The following CABIN1 variants were observed in gnomAD, a reference collection of about 807,000 sequenced individuals.
CABIN1 encodes calcineurin binding protein 1, also known as calcineurin-binding protein cabin-1.
Under a neutral mutation model 227.7 loss-of-function variants are expected in CABIN1, and 133 were observed. The observed-to-expected ratio is 0.58, with a 90% CI of 0.51 to 0.67. The LOEUF (loss-of-function observed/expected upper bound fraction) is 0.67. CABIN1 is among the 30% of genes least tolerant of loss of function. CABIN1 has a pLI of 0.00. For synonymous variants in CABIN1, 1,086 were observed against 1,155.1 expected, an observed-to-expected ratio of 0.94 and a Z score of 1.21; for missense variants, 2,408 against 2,852.5, an observed-to-expected ratio of 0.84 and a Z score of 3.55.
At chr22:24,063,933 C>T (rs2039389499) in intron 14 of CABIN1, 102 bp from the exon 15 acceptor site, 2 of 1,477,964 alleles carry the variant, frequency 1.4e-6, no homozygotes, top group East Asian at 4.5e-5. Context: ...AAAACCCACC[C>T]TCATGGCCTC....
Position 24,056,298 on chromosome 22 carries a change from C to A in CABIN1, c.1200C>A (p.Thr400=). 1 of 1,613,692 alleles carries A rather than the reference C, an allele frequency of 6.2e-7. No homozygotes were observed. The highest frequency in any genetic ancestry group is 8.5e-7 in the Non-Finnish European group (1 of 1,179,822). ...GGCGGTCTGCCCGTGTCCGAAACAC[C>A]AAGTGCAAAAAAGAAGAGAAAGTAG... ...AKRRSARVRN[T]KCKKEEKVDF... Residue 400 remains threonine, a synonymous_variant, in exon 10 of 37, where the codon ACC becomes ACA. Transcript: ENST00000263119.
At chr22:24,116,104 G>A (rs1180640310) in intron 27 of CABIN1, among the ~76,000 whole-genome samples, 2 of 152,172 alleles carry the variant, frequency 1.3e-5, no homozygotes, top group Non-Finnish European at 2.9e-5. Context: ...CTCTGGCCTT[G>A]ACCGAGGTGC....
intron 1 of CABIN1, among the ~76,000 whole-genome samples, chr22:24,026,737 G>A (rs2036118178): frequency 6.6e-6 from 1 of 152,088 alleles, no homozygotes; most frequent in Non-Finnish European, 1.5e-5. Flanking sequence ...TTGTTTCATT[G>A]ATTTATGTGT....
rs1438778999 is a variant in CABIN1, at chr22:24,050,902, A to G, written c.734A>G (p.Lys245Arg). The G allele has an allele frequency of 1.2e-6, 2 of 1,614,230 alleles. No individual in the cohort carries two copies. Among genetic ancestry groups the G allele is most frequent in the Admixed American group, 1.7e-5 (1 of 60,024 alleles). Residue 245 changes from lysine (K) to arginine (R), a missense_variant, in exon 8 of 37, where the codon AAA (lysine) becomes AGA (arginine). Physicochemically the swap from Lys to Arg is conservative, Grantham distance 26 (BLOSUM62 2). Coordinates refer to ENST00000263119, the MANE Select transcript of CABIN1 (RefSeq NM_012295.4). ...AIVDEALGLR[K>R]KRQALIVREK... The stretch of plus-strand genomic sequence containing the variant: ...GTAGATGAGGCCTTGGGGCTGCGAA[A>G]AAAGAGGCAAGCGCTGATTGTGCGG...
Position 24,146,762 on chromosome 22 carries a change from C to T in CABIN1, c.4746+12347C>T, listed in dbSNP as rs114182907. Among the ~76,000 whole-genome samples, 1,034 of 152,366 alleles carry T rather than the reference C, an allele frequency of 6.8e-3. 12 individuals are homozygous for T. Among genetic ancestry groups the T allele is most frequent in the African/African-American group, 0.023 (972 of 41,572 alleles). ...CTGGCTATCCGGAGACAGTTTTCATCTCCAGATGTGGATTCAAAATTCTGG... is the reference window on the plus strand; with the variant it reads ...CTGGCTATCCGGAGACAGTTTTCATTTCCAGATGTGGATTCAAAATTCTGG... On this transcript the variant is annotated intron_variant, in intron 29 of 36. Transcript: ENST00000263119.
In CABIN1 at chr22:24,168,529, C is replaced by T; in HGVS notation, c.5757+8C>T. 1.3e-6 allele frequency: 2 copies of T among 1,552,530 alleles called. No homozygotes were observed. The highest frequency in any genetic ancestry group is 1.7e-6 in the Non-Finnish European group (2 of 1,147,234). On this transcript the variant is annotated splice_region_variant and intron_variant, in intron 33 of 36. Coordinates refer to ENST00000263119, the MANE Select transcript of CABIN1 (RefSeq NM_012295.4). ...GCTGCCGCCCAGAGACAGGTAAGCC[C>T]AATTTAGCCTGTGCCAGCCTCATCT...
chr22:24,081,466 A>G (rs1195270519), intron 19 of CABIN1, among the ~76,000 whole-genome samples: 3 of 152,146 alleles, frequency 2.0e-5, no homozygotes, highest in Non-Finnish European at 4.4e-5. Context: ...ACCTCGAGTT[A>G]TGCCCCTTTT....
chr22:24,059,791 C>A (rs1439281787), intron 11 of CABIN1, 133 bp from the exon 12 acceptor site: 9 of 824,756 alleles, frequency 1.1e-5, no homozygotes, highest in Non-Finnish European at 1.8e-5. Flanking sequence ...CTCAGCACCA[C>A]AACGTGGTAT....
rs779172978 is a variant in CABIN1 at position 24,178,171 on chromosome 22, A to G, written c.6638A>G (p.Glu2213Gly). ...QESSLESETD[E>G]DDDYMDI ...TCCTCGCTGGAGAGCGAGACAGACG[A>G]GGACGACGACTACATGGACATTTGA... is the stretch of plus-strand genomic sequence containing the variant. The change falls in exon 37 of 37, where the codon GAG becomes GGG. Residue 2213 changes from glutamate (E) to glycine (G), a missense_variant. This residue lies in a region of CABIN1 where 714 missense variants were observed against 773.8 expected (regional missense o/e 0.92). Coordinates refer to ENST00000263119, the MANE Select transcript of CABIN1 (RefSeq NM_012295.4). 3 of 1,613,344 alleles carry G rather than the reference A, an allele frequency of 1.9e-6. No homozygotes were observed. The highest frequency in any genetic ancestry group is 2.5e-6 in the Non-Finnish European group (3 of 1,179,952).
At chr22:24,150,507 C>T (rs1046481853) in intron 29 of CABIN1, among the ~76,000 whole-genome samples, 1 of 152,178 alleles carries the variant, frequency 6.6e-6, no homozygotes, top group African/African-American at 2.4e-5. Context: ...ATCAGCAGGC[C>T]GGCTCTGTTC....
At position 24,086,314 on chromosome 22, in the gene CABIN1, C is replaced by T. The variant is rs2041159519; in HGVS notation, c.3264-1138C>T. Among the ~76,000 whole-genome samples, 7 of 152,344 alleles carry T rather than the reference C, an allele frequency of 4.6e-5. No homozygotes were observed. In the South Asian group the frequency reaches 1.4e-3, roughly 32 times the overall value. ...AAAACCCACCTGTCTTTGCATGGCA[C>T]CTCTCACCTGACAGCCCCTTATTCA... On this transcript the variant is annotated intron_variant, in intron 22 of 36. Transcript: ENST00000263119.
chr22:24,040,196 G>A (rs894530033), intron 4 of CABIN1, among the ~76,000 whole-genome samples: 9 of 152,190 alleles, frequency 5.9e-5, no homozygotes, highest in African/African-American at 1.7e-4. Flanking sequence ...TGGTCAGCTG[G>A]TTCTTGGGGG....
intron 26 of CABIN1, chr22:24,103,435 G>A (rs2042329303): frequency 6.6e-6 from 1 of 152,200 alleles, no homozygotes; most frequent in African/African-American, 2.4e-5. Flanking sequence ...CTCTGAGGTG[G>A]GTCCTGTGTC....
Position 24,171,747 on chromosome 22 carries a change from C to A in CABIN1, c.5792C>A (p.Pro1931His). The A allele has an allele frequency of 6.2e-7, 1 of 1,614,194 alleles. No individual in the cohort carries two copies. The highest frequency in any genetic ancestry group is 8.5e-7 in the Non-Finnish European group (1 of 1,180,042). The change falls in exon 34 of 37, where the codon CCC becomes CAC. Residue 1931 changes from proline (P) to histidine (H), a missense_variant. Transcript: ENST00000263119. Reference sequence around the variant, plus strand: ...GACACCCCCACCACTCCAAAGCACCCCAAAGACAGCCGAGAGAACTTCTTT... The same window carrying A: ...GACACCCCCACCACTCCAAAGCACCACAAAGACAGCCGAGAGAACTTCTTT... ...SGDTPTTPKH[P>H]KDSRENFFPV...
At chr22:24,052,952 C>G (rs1267549922) in intron 8 of CABIN1, among the ~76,000 whole-genome samples, 1 of 152,102 alleles carries the variant, frequency 6.6e-6, no homozygotes, top group Admixed American at 6.5e-5. Flanking sequence ...CAAATTCTTC[C>G]TGTCTAAATG....
At chr22:24,037,274 A>AG (rs1483130231) in intron 3 of CABIN1, among the ~76,000 whole-genome samples, 9 of 151,644 alleles carry the variant, frequency 5.9e-5, no homozygotes, top group Non-Finnish European at 8.8e-5. Flanking sequence ...AAAAAAAAAA[A>AG]AAAAGAAAAG....
intron 29 of CABIN1, among the ~76,000 whole-genome samples, chr22:24,145,529 G>A (rs1259725100): frequency 4.6e-5 from 7 of 152,202 alleles, no homozygotes; most frequent in Admixed American, 4.6e-4. Flanking sequence ...CTGATGGGAT[G>A]AGGGGAAGCG....
chr22:24,162,543 A>G (rs2046218601), intron 29 of CABIN1, among the ~76,000 whole-genome samples: 2 of 152,258 alleles, frequency 1.3e-5, no homozygotes, highest in Admixed American at 6.5e-5. Context: ...CTGCCCGGGA[A>G]ACGTGCCCTT....
At chr22:24,101,139 C>T (rs1317049572) in intron 26 of CABIN1, among the ~76,000 whole-genome samples, 1 of 152,210 alleles carries the variant, frequency 6.6e-6, no homozygotes, top group Non-Finnish European at 1.5e-5. Flanking sequence ...AACTTTCCAG[C>T]AGTGGGAGAG....
Sources: gnomAD v4.1 joint callset for allele counts (sites outside exome capture counted in the v4.1 genomes callset) on GRCh38, gnomAD v4.1.1 for gene constraint, gnomAD v4.1.1 regional missense constraint, MANE v1.5 for transcripts, NCBI Gene and HGNC (gene_info 2026-07-23, HGNC 2026-07-21) for gene names.